Variants in PACRG observed in about 807,000 individuals in gnomAD.
PACRG encodes the protein parkin coregulated gene protein.
Under a neutral mutation model 29.7 loss-of-function variants are expected in PACRG, and 29 were observed. That is an observed-to-expected ratio of 0.98 (90% CI 0.73 to 1.33). The LOEUF (loss-of-function observed/expected upper bound fraction) is 1.33. Ranked by LOEUF, PACRG falls within the 40% of genes most tolerant of loss-of-function variation. The pLI, the probability that PACRG is intolerant of heterozygous loss-of-function variation, is 0.00. For missense variants in PACRG, 279 were observed against 316.2 expected, an observed-to-expected ratio of 0.88 and a Z score of 0.89; for synonymous variants, 116 against 118.7, an observed-to-expected ratio of 0.98 and a Z score of 0.15.
intron 2 of PACRG, among the ~76,000 whole-genome samples, chr6:162,880,894 A>G (rs1354468412): frequency 6.6e-6 from 1 of 151,112 alleles, no homozygotes; most frequent in Admixed American, 6.6e-5. Flanking sequence ...AGCATGCGCC[A>G]GGGGTGCATC....
intron 2 of PACRG, among the ~76,000 whole-genome samples, chr6:162,964,463 G>C (rs1050621029): frequency 1.4e-4 from 21 of 152,138 alleles, no homozygotes; most frequent in African/African-American, 4.8e-4. Flanking sequence ...AACTGCTTTA[G>C]TAAGAAAGAG....
chr6:163,140,701 G>A (rs745358139), intron 4 of PACRG, among the ~76,000 whole-genome samples: 4 of 152,144 alleles, frequency 2.6e-5, no homozygotes, highest in Non-Finnish European at 5.9e-5. Flanking sequence ...TAGAACACAT[G>A]TTCATTCTGT....
intron 4 of PACRG, among the ~76,000 whole-genome samples, chr6:163,248,909 G>C (rs572294782): frequency 7.3e-5 from 11 of 151,590 alleles, no homozygotes; most frequent in Non-Finnish European, 1.6e-4. Flanking sequence ...GACACTACTC[G>C]GGAGGCTGAG....
At chr6:162,819,917 A>G (rs1315068609) in intron 2 of PACRG, among the ~76,000 whole-genome samples, 1 of 152,224 alleles carries the variant, frequency 6.6e-6, no homozygotes, top group Non-Finnish European at 1.5e-5. Flanking sequence ...ACAGAGATCA[A>G]TTCTTCTGGT....
At chr6:163,172,471 T>C (rs146033008) in intron 4 of PACRG, among the ~76,000 whole-genome samples, 1 of 152,354 alleles carries the variant, frequency 6.6e-6, no homozygotes, top group Non-Finnish European at 1.5e-5. Flanking sequence ...ATAATTTGTT[T>C]TAGTGTACAC....
chr6:162,846,383 A>C (rs956103217), intron 2 of PACRG, among the ~76,000 whole-genome samples: 3 of 152,180 alleles, frequency 2.0e-5, no homozygotes, highest in African/African-American at 7.2e-5. Flanking sequence ...AAAAATCTTT[A>C]GTGCACCTAT....
At chr6:163,028,004 G>A (rs1009664251) in intron 2 of PACRG, among the ~76,000 whole-genome samples, 3 of 152,172 alleles carry the variant, frequency 2.0e-5, no homozygotes, top group East Asian at 1.9e-4. Flanking sequence ...GAAAGGGCAC[G>A]CCAGCCTTGA....
intron 2 of PACRG, among the ~76,000 whole-genome samples, chr6:162,842,393 GT>G (rs1789870291): frequency 2.7e-5 from 4 of 150,096 alleles, no homozygotes; most frequent in African/African-American, 9.8e-5. Flanking sequence ...TTTAAAGTCT[GT>G]TTTATCAGAG....
At chr6:162,768,102 A>C (rs1782940543) in intron 1 of PACRG, among the ~76,000 whole-genome samples, 1 of 152,058 alleles carries the variant, frequency 6.6e-6, no homozygotes, top group African/African-American at 2.4e-5. Flanking sequence ...ATTCTTCTGA[A>C]ATCATTTTCC....
At chr6:163,278,245 T>G (rs1428364080) in intron 4 of PACRG, among the ~76,000 whole-genome samples, 1 of 152,198 alleles carries the variant, frequency 6.6e-6, no homozygotes, top group Non-Finnish European at 1.5e-5. Context: ...TAGTACTTTA[T>G]CAGGTGTATA....
At chr6:162,794,742 CA>C (rs1785232844) in intron 1 of PACRG, among the ~76,000 whole-genome samples, 2 of 152,140 alleles carry the variant, frequency 1.3e-5, no homozygotes, top group Non-Finnish European at 2.9e-5. Context: ...CAAGTTTATG[CA>C]ATCACTCAAG....
intron 4 of PACRG, among the ~76,000 whole-genome samples, chr6:163,177,311 G>A (rs564156300): frequency 7.9e-5 from 12 of 152,224 alleles, no homozygotes; most frequent in Non-Finnish European, 1.8e-4. Context: ...AGGAAAGTGA[G>A]CCAGGAACAG....
intron 1 of PACRG, among the ~76,000 whole-genome samples, chr6:162,774,047 T>C (rs1783449856): frequency 6.6e-6 from 1 of 152,238 alleles, no homozygotes; most frequent in Non-Finnish European, 1.5e-5. Context: ...AGTAATTTAA[T>C]TTCAAACCAT....
chr6:163,196,920 T>C (rs1479365703), intron 4 of PACRG, among the ~76,000 whole-genome samples: 1 of 118,482 alleles, frequency 8.4e-6, no homozygotes, highest in Non-Finnish European at 1.7e-5. Flanking sequence ...ACAGACAGAC[T>C]AGACAGATAG....
chr6:162,753,147 A>C (rs1254578183), intron 1 of PACRG, among the ~76,000 whole-genome samples: 3 of 152,074 alleles, frequency 2.0e-5, no homozygotes, highest in African/African-American at 7.2e-5. Context: ...TACATAACAC[A>C]TTATTATTGA....
intron 2 of PACRG, among the ~76,000 whole-genome samples, chr6:163,023,570 A>T (rs1806843891): frequency 6.6e-6 from 1 of 151,934 alleles, no homozygotes; most frequent in Admixed American, 6.6e-5. Context: ...AGAACAATTT[A>T]TTTTCTTTTG....
intron 4 of PACRG, among the ~76,000 whole-genome samples, chr6:163,166,743 A>G (rs975765918): frequency 6.6e-5 from 10 of 152,236 alleles, no homozygotes; most frequent in Non-Finnish European, 4.4e-5. Flanking sequence ...GGATATGTTT[A>G]CCAAGTATGT....
At chr6:162,955,437 T>C in intron 2 of PACRG, among the ~76,000 whole-genome samples, 1 of 151,958 alleles carries the variant, frequency 6.6e-6, no homozygotes, top group Non-Finnish European at 1.5e-5. Context: ...GTAGCTGGGA[T>C]TACAGGCACC....
chr6:163,186,354 C>T (rs763293440), intron 4 of PACRG, among the ~76,000 whole-genome samples: 4 of 152,124 alleles, frequency 2.6e-5, no homozygotes, highest in Non-Finnish European at 5.9e-5. Context: ...TGAGGGAATT[C>T]TCTCGTGTGC....
Sources: allele counts gnomAD v4.1 joint callset (sites outside exome capture counted in the v4.1 genomes callset), GRCh38; gene constraint gnomAD v4.1.1; transcripts MANE v1.5; gene names NCBI Gene and HGNC (gene_info 2026-07-23, HGNC 2026-07-21).